The following UBAP1 variants were observed in gnomAD, a reference collection of about 807,000 sequenced individuals.
UBAP1 encodes the protein ubiquitin-associated protein 1.
UBAP1 carries 5 observed loss-of-function variants against 39.0 expected under a neutral mutation model. The ratio of observed to expected loss-of-function variants is 0.13; its 90% confidence interval spans 0.07 to 0.27. The LOEUF (loss-of-function observed/expected upper bound fraction) is 0.27. UBAP1 is among the 10% of genes least tolerant of loss of function. The pLI is 1.00. For synonymous variants in UBAP1, 211 were observed against 225.1 expected, an observed-to-expected ratio of 0.94 and a Z score of 0.56; for missense variants, 490 against 608.1, an observed-to-expected ratio of 0.81 and a Z score of 2.04.
At chr9:34,201,432 T>A (rs1831364365) in intron 1 of UBAP1, 1 of 151,426 alleles carries the variant, frequency 6.6e-6, no homozygotes, top group South Asian at 2.1e-4. Flanking sequence ...TAATCCCAGC[T>A]ACTTGGGATA....
intron 2 of UBAP1, chr9:34,224,728 A>G (rs1237478348): frequency 8.5e-6 from 2 of 234,932 alleles, no homozygotes; most frequent in Non-Finnish European, 1.7e-5. Flanking sequence ...AAGGCAGTAG[A>G]TGGAGAATAT....
At chr9:34,231,222 CTT>C (rs972244201) in intron 2 of UBAP1, among the ~76,000 whole-genome samples, 48 of 148,418 alleles carry the variant, frequency 3.2e-4, no homozygotes, top group African/African-American at 1.1e-3. Flanking sequence ...AAAAGCATGT[CTT>C]TATTTATTTA....
At chr9:34,207,638 C>T (rs56832666) in intron 1 of UBAP1, among the ~76,000 whole-genome samples, 1,539 of 148,236 alleles carry the variant, frequency 0.01, 20 homozygotes, top group African/African-American at 0.031. Flanking sequence ...GTGTGTTTCT[C>T]TTATATTTCT....
At chr9:34,207,086 T>C (rs527769714) in intron 1 of UBAP1, among the ~76,000 whole-genome samples, 26 of 143,830 alleles carry the variant, frequency 1.8e-4, no homozygotes, top group African/African-American at 5.8e-4. Flanking sequence ...AATTTTGCTC[T>C]TGTCGCCCAG....
intron 1 of UBAP1, among the ~76,000 whole-genome samples, chr9:34,184,772 T>C (rs952016424): frequency 9.3e-5 from 14 of 149,770 alleles, no homozygotes; most frequent in Admixed American, 7.3e-4. Context: ...ACAGATGGTG[T>C]GCCACCATGT....
chr9:34,228,454 C>T (rs1833223672), intron 2 of UBAP1, among the ~76,000 whole-genome samples: 1 of 151,576 alleles, frequency 6.6e-6, no homozygotes, highest in South Asian at 2.1e-4. Context: ...AAGCTAATTC[C>T]TGAGGCATAA....
At chr9:34,187,840 A>G (rs1587786215) in intron 1 of UBAP1, among the ~76,000 whole-genome samples, 1 of 151,760 alleles carries the variant, frequency 6.6e-6, no homozygotes, top group African/African-American at 2.4e-5. Context: ...TAAAAAAAAA[A>G]ACAAAACTGT....
intron 1 of UBAP1, among the ~76,000 whole-genome samples, chr9:34,190,430 C>T (rs1006952244): frequency 6.6e-6 from 1 of 152,068 alleles, no homozygotes; most frequent in Non-Finnish European, 1.5e-5. Context: ...GCTGGGATTA[C>T]AGGCCCTTGC....
chr9:34,250,317 G>GGAGT (rs1834410204), intron 5 of UBAP1, among the ~76,000 whole-genome samples: 1 of 152,200 alleles, frequency 6.6e-6, no homozygotes. Context: ...TTAGGGTACT[G>GGAGT]GAGTGTTAGA....
intron 4 of UBAP1, among the ~76,000 whole-genome samples, chr9:34,248,527 G>A (rs969503143): frequency 8.5e-5 from 13 of 152,154 alleles, no homozygotes; most frequent in South Asian, 4.2e-4. Context: ...GTTAAAGCCC[G>A]TCTCTAAAGA....
At position 34,251,732 on chromosome 9, in the gene UBAP1, C is replaced by T; in HGVS notation, c.*200C>T. 1.7e-6 allele frequency: 1 copy of T among 603,534 alleles called. No individual in the cohort carries two copies. Among genetic ancestry groups the T allele is most frequent in the Non-Finnish European group, 2.9e-6 (1 of 346,694 alleles). The allele number at this position is 603,534 out of a possible 1,614,324, so 37.4% of individuals were successfully genotyped here. ...GGGAAGATTCGGGCATGTGAGTGCC[C>T]CCAGAACTGTCCTGGCTCCTTCCGT... On this transcript the variant is annotated 3_prime_UTR_variant, in exon 7 of 7. Transcript: ENST00000297661.
intron 1 of UBAP1, among the ~76,000 whole-genome samples, chr9:34,210,669 G>A (rs1397863596): frequency 6.6e-6 from 1 of 151,286 alleles, no homozygotes; most frequent in Non-Finnish European, 1.5e-5. Flanking sequence ...GCAGTGAGCC[G>A]AGATTGTGTC....
intron 2 of UBAP1, among the ~76,000 whole-genome samples, chr9:34,225,516 G>T (rs1233613054): frequency 6.6e-5 from 10 of 151,922 alleles, no homozygotes; most frequent in South Asian, 4.1e-4. Flanking sequence ...GGTGGCTCAT[G>T]CCTGTAATCA....
intron 2 of UBAP1, among the ~76,000 whole-genome samples, chr9:34,231,478 G>A (rs143040337): frequency 6.6e-6 from 1 of 151,842 alleles, no homozygotes; most frequent in African/African-American, 2.4e-5. Context: ...CAAAGTTCTG[G>A]GATTACAGGC....
In UBAP1 at chr9:34,221,784, C is replaced by G. The variant is rs113064493; in HGVS notation, c.34+836C>G. ...TCTGTCATCTTTTCCTAAGATACAA[C>G]CTTCCAAAATGGAATACAATAATAA... is the stretch of plus-strand genomic sequence containing the variant. On this transcript the variant is annotated intron_variant, in intron 2 of 6. Coordinates refer to ENST00000297661, the MANE Select transcript of UBAP1 (RefSeq NM_016525.5). Among the ~76,000 whole-genome samples, 385 of 152,214 alleles carry G rather than the reference C, an allele frequency of 2.5e-3. 2 individuals are homozygous for G. Among genetic ancestry groups the G allele is most frequent in the Non-Finnish European group, 4.5e-3 (303 of 68,010 alleles).
At chr9:34,250,335 G>A (rs934382641) in intron 5 of UBAP1, among the ~76,000 whole-genome samples, 17 of 152,198 alleles carry the variant, frequency 1.1e-4, no homozygotes, top group African/African-American at 4.1e-4. Context: ...AGACCTTGGT[G>A]ACATTTTCTG....
intron 2 of UBAP1, among the ~76,000 whole-genome samples, chr9:34,231,125 TTATGTGTGTGTGTG>T (rs1203085503): frequency 3.1e-5 from 3 of 96,788 alleles, no homozygotes; most frequent in South Asian, 3.1e-4. Flanking sequence ...TTTAAAAAAA[TTATGTGTGTGTGTG>T]TGTGTGTGTG....
rs755668109 is a variant in UBAP1 at position 34,250,706 on chromosome 9, G to C, written c.1315G>C (p.Asp439His). The C allele has an allele frequency of 6.2e-7, 1 of 1,613,708 alleles. No individual in the cohort carries two copies. Among genetic ancestry groups the C allele is most frequent in the Non-Finnish European group, 8.5e-7 (1 of 1,179,726 alleles). ...AHGQLCEKGF[D>H]PLLVEEALEM... ...TGGACAGCTTTGTGAGAAGGGCTTC[G>C]ACCCTCTTTTAGTGGAAGAGGCTCT... The change falls in exon 6 of 7, where the codon GAC (aspartate) becomes CAC (histidine). Residue 439 changes from aspartate (D) to histidine (H), a missense_variant. Asp to His is a moderately conservative substitution (Grantham distance 81). Transcript: ENST00000297661.
intron 1 of UBAP1, among the ~76,000 whole-genome samples, chr9:34,190,257 G>A (rs1187887604): frequency 2.6e-5 from 4 of 152,098 alleles, no homozygotes; most frequent in Admixed American, 6.6e-5. Context: ...TGTCCTATCC[G>A]TTTTCTTGAA....
Sources: allele counts gnomAD v4.1 joint callset (sites outside exome capture counted in the v4.1 genomes callset), GRCh38; gene constraint gnomAD v4.1.1; transcripts MANE v1.5; gene names NCBI Gene and HGNC (gene_info 2026-07-23, HGNC 2026-07-21).